Variants in PDZRN3 observed in about 807,000 individuals in gnomAD.
PDZRN3 encodes the protein E3 ubiquitin-protein ligase PDZRN3.
PDZRN3 carries 38 observed loss-of-function variants against 85.7 expected under a neutral mutation model. That is an observed-to-expected ratio of 0.44 (90% CI 0.34 to 0.58). PDZRN3 has a LOEUF of 0.58. Among genes scored for constraint, PDZRN3 ranks in the 20% least tolerant of loss-of-function variants. The pLI, the probability that PDZRN3 is intolerant of heterozygous loss-of-function variation, is 0.01. For synonymous variants in PDZRN3, 759 were observed against 638.0 expected (o/e 1.19, Z -2.86); for missense variants, 1,629 against 1,506.4 (o/e 1.08, Z -1.35).
chr3:73,523,958 A>C (rs1310398367), intron 3 of PDZRN3, among the ~76,000 whole-genome samples: 1 of 152,352 alleles, frequency 6.6e-6, no homozygotes, highest in South Asian at 2.1e-4. Context: ...AGGAGTTCAG[A>C]GCCTGGGAGT....
intron 1 of PDZRN3, among the ~76,000 whole-genome samples, chr3:73,620,085 C>T (rs1008378063): frequency 6.6e-6 from 1 of 152,180 alleles, no homozygotes; most frequent in Non-Finnish European, 1.5e-5. Flanking sequence ...ACCCCCATCA[C>T]CACTACCACC....
In PDZRN3 at chr3:73,609,980, C is replaced by T. The variant is rs569161093; in HGVS notation, c.724-1296G>A. ...GCCCAGTAGAGCTAAAAAAATATTA[C>T]GAAAGATCAATGGGCTTCACCATGT... On this transcript the variant is annotated intron_variant, in intron 1 of 9. Transcript: ENST00000263666. 9.9e-5 allele frequency among the ~76,000 whole-genome samples: 15 copies of T among 152,262 alleles called. No homozygotes were observed. In the South Asian group the frequency reaches 2.3e-3, roughly 23 times the overall value.
At chr3:73,401,911 G>C (rs1701757124) in intron 4 of PDZRN3, 1 of 152,150 alleles carries the variant, frequency 6.6e-6, no homozygotes, top group Non-Finnish European at 1.5e-5. Flanking sequence ...TCCCTCCCAG[G>C]CACTTAGTTT....
At chr3:73,618,521 A>C (rs2106917169) in intron 1 of PDZRN3, among the ~76,000 whole-genome samples, 1 of 152,350 alleles carries the variant, frequency 6.6e-6, no homozygotes, top group South Asian at 2.1e-4. Context: ...AAGAACATGG[A>C]GAAGATAATG....
In PDZRN3 at chr3:73,383,302, G is replaced by A. The variant is rs1221295048; in HGVS notation, c.*63C>T. On this transcript the variant is annotated 3_prime_UTR_variant, in exon 10 of 10. Coordinates refer to ENST00000263666, the MANE Select transcript of PDZRN3 (RefSeq NM_015009.3). ...TATACAAAAACTTGCCGCATTGAAC[G>A]AGGCAGGAATTTCTACCCCAGTGGT... 1 of 1,466,774 alleles carries A rather than the reference G, an allele frequency of 6.8e-7. No individual in the cohort carries two copies. Among genetic ancestry groups the A allele is most frequent in the Non-Finnish European group, 9.2e-7 (1 of 1,085,426 alleles). 90.9% of individuals were successfully genotyped at this position (1,466,774 alleles called of 1,614,324 possible).
At chr3:73,539,298 A>G (rs993745024) in intron 3 of PDZRN3, among the ~76,000 whole-genome samples, 1 of 152,212 alleles carries the variant, frequency 6.6e-6, no homozygotes, top group Non-Finnish European at 1.5e-5. Flanking sequence ...AGTTTCAATC[A>G]AGGGATGTTT....
intron 3 of PDZRN3, among the ~76,000 whole-genome samples, chr3:73,465,575 G>A (rs1441645767): frequency 6.6e-6 from 1 of 152,210 alleles, no homozygotes; most frequent in Non-Finnish European, 1.5e-5. Flanking sequence ...ATTATACAAT[G>A]ATGAAGCTAG....
At chr3:73,534,980 C>A (rs1334766775) in intron 3 of PDZRN3, among the ~76,000 whole-genome samples, 1 of 151,750 alleles carries the variant, frequency 6.6e-6, no homozygotes, top group Non-Finnish European at 1.5e-5. Context: ...CTTCCCTGCC[C>A]TGGTGATGTC....
At chr3:73,471,213 A>G (rs1416033480) in intron 3 of PDZRN3, among the ~76,000 whole-genome samples, 1 of 152,190 alleles carries the variant, frequency 6.6e-6, no homozygotes, top group Non-Finnish European at 1.5e-5. Flanking sequence ...ATGTGAAGAC[A>G]GGGCATTGGA....
rs759705384 is a variant in PDZRN3 at position 73,404,352 on chromosome 3, A to T, written c.962T>A (p.Val321Glu). 1.2e-6 allele frequency: 2 copies of T among 1,614,170 alleles called. No individual in the cohort carries two copies. The highest frequency in any genetic ancestry group is 1.7e-6 in the Non-Finnish European group (2 of 1,180,024). The change falls in exon 4 of 10, where the codon GTG becomes GAG. Residue 321 changes from valine to glutamate, a missense_variant. Val to Glu is a moderately radical substitution (Grantham distance 121, BLOSUM62 -2). Coordinates refer to ENST00000263666, the MANE Select transcript of PDZRN3 (RefSeq NM_015009.3). Reference sequence around the variant, plus strand: ...CTCCTTGGCTGTCTTGAAAGCTTCCACAGCCTGGTCATGAGTTGCTCTGGA... The same window carrying T: ...CTCCTTGGCTGTCTTGAAAGCTTCCTCAGCCTGGTCATGAGTTGCTCTGGA... ...DLSRATHDQAVEAFKTAKEPI... is the reference protein window; with the variant it reads ...DLSRATHDQAEEAFKTAKEPI...
chr3:73,393,079 A>G (rs747103214), intron 5 of PDZRN3, among the ~76,000 whole-genome samples: 1 of 152,082 alleles, frequency 6.6e-6, no homozygotes, highest in Non-Finnish European at 1.5e-5. Flanking sequence ...GTTAGTGTGA[A>G]TCAACGAAAT....
At chr3:73,481,431 A>G (rs1703558337) in intron 3 of PDZRN3, among the ~76,000 whole-genome samples, 2 of 151,110 alleles carry the variant, frequency 1.3e-5, no homozygotes, top group South Asian at 4.2e-4. Context: ...GCAAGGTTCA[A>G]GGGATTCTTC....
rs147404182 is a variant in PDZRN3, at chr3:73,430,283, G to T, written c.919-25888C>A. Among the ~76,000 whole-genome samples, 320 of 152,288 alleles carry T rather than the reference G, an allele frequency of 2.1e-3. 3 individuals carry two copies. Among genetic ancestry groups the T allele is most frequent in the African/African-American group, 7.3e-3 (305 of 41,554 alleles). Reference sequence around the variant, plus strand: ...GTGCACAATAAATAATGCTGTGGCTGTCAGTAATGAATAGTCCTGTGACTA... The same window carrying T: ...GTGCACAATAAATAATGCTGTGGCTTTCAGTAATGAATAGTCCTGTGACTA... On this transcript the variant is annotated intron_variant, in intron 3 of 9. Transcript: ENST00000263666.
intron 3 of PDZRN3, among the ~76,000 whole-genome samples, chr3:73,513,341 C>T (rs191535017): frequency 6.6e-6 from 1 of 152,126 alleles, no homozygotes; most frequent in East Asian, 1.9e-4. Context: ...ACACTGCTCC[C>T]GGTAAATGAA....
At chr3:73,391,846 T>A (rs1317483427) in intron 5 of PDZRN3, among the ~76,000 whole-genome samples, 3 of 152,152 alleles carry the variant, frequency 2.0e-5, no homozygotes, top group Non-Finnish European at 4.4e-5. Flanking sequence ...CCCCGCCCAC[T>A]CTGCCAATGA....
At chr3:73,534,858 T>C (rs1256135327) in intron 3 of PDZRN3, among the ~76,000 whole-genome samples, 1 of 152,206 alleles carries the variant, frequency 6.6e-6, no homozygotes, top group Non-Finnish European at 1.5e-5. Flanking sequence ...AAAACACTTC[T>C]GGTTTACAAA....
intron 3 of PDZRN3, among the ~76,000 whole-genome samples, chr3:73,575,180 G>A (rs1350901336): frequency 6.6e-6 from 1 of 152,098 alleles, no homozygotes; most frequent in African/African-American, 2.4e-5. Context: ...GGAAGAACAG[G>A]GGTTTATAAT....
chr3:73,478,187 C>A (rs1413281784), intron 3 of PDZRN3, among the ~76,000 whole-genome samples: 2 of 152,168 alleles, frequency 1.3e-5, no homozygotes, highest in African/African-American at 4.8e-5. Context: ...AACCCCAGGA[C>A]TGGTACCAGT....
chr3:73,391,893 A>T (rs1161709844), intron 5 of PDZRN3, among the ~76,000 whole-genome samples: 1 of 152,010 alleles, frequency 6.6e-6, no homozygotes, highest in Non-Finnish European at 1.5e-5. Flanking sequence ...CTGCAAGCCT[A>T]TTTGAAGGGC....
Sources: allele counts gnomAD v4.1 joint callset (sites outside exome capture counted in the v4.1 genomes callset), GRCh38; gene constraint gnomAD v4.1.1; transcripts MANE v1.5; gene names NCBI Gene and HGNC (gene_info 2026-07-23, HGNC 2026-07-21).